Variants in TIMP2 observed in about 807,000 individuals in gnomAD.
The protein encoded by TIMP2 is metalloproteinase inhibitor 2.
A neutral mutation model predicts 24.3 loss-of-function variants in TIMP2; 5 were observed. The observed-to-expected ratio is 0.21, with a 90% CI of 0.11 to 0.43. The LOEUF is 0.43. Among genes scored for constraint, TIMP2 ranks in the 20% least tolerant of loss-of-function variants. The pLI is 1.00. For synonymous variants in TIMP2, 130 were observed against 123.2 expected (o/e 1.06, Z -0.37); for missense variants, 221 against 297.5 (o/e 0.74, Z 1.89).
chr17:78,876,492 T>C (rs79484653), intron 1 of TIMP2, among the ~76,000 whole-genome samples: 25,460 of 151,950 alleles, frequency 0.17, 2,260 homozygotes, highest in East Asian at 0.28. Context: ...GGATTACAGG[T>C]GGGCACCACC....
rs529721968 is a variant in TIMP2 at position 78,896,709 on chromosome 17, C to T, written c.131-22790G>A. Among the ~76,000 whole-genome samples, 9 of 152,278 alleles carry T rather than the reference C, an allele frequency of 5.9e-5. No individual in the cohort carries two copies. Among genetic ancestry groups the T allele is most frequent in the Admixed American group, 6.5e-5 (1 of 15,296 alleles). The stretch of plus-strand genomic sequence containing the variant: ...CCACAGCTCCCCCCTCCGCAGAAGC[C>T]GCGCTCGGAGCAGCAGAAGGAAGGC... On this transcript the variant is annotated intron_variant, in intron 1 of 4. Transcript: ENST00000262768. This position sits in a 1 kb window ranked among gnomAD's most constrained non-coding sequence, Gnocchi z 4.4.
rs565092047 is a variant in TIMP2, at chr17:78,883,743, G to GA, written c.131-9825dup. 9.0e-3 allele frequency among the ~76,000 whole-genome samples: 1,371 copies of GA among 152,266 alleles called. 21 individuals carry two copies. Among genetic ancestry groups the GA allele is most frequent in the African/African-American group, 0.032 (1,322 of 41,544 alleles). ...GCCCATTCGTTTTGGCTCCTCTTGG[G>GA]AAACAGCATCTATCAGAGCACCTCA... On this transcript the variant is annotated intron_variant, in intron 1 of 4. Coordinates refer to ENST00000262768, the MANE Select transcript of TIMP2 (RefSeq NM_003255.5).
In TIMP2 at chr17:78,857,639, G is replaced by C; in HGVS notation, c.348C>G (p.Ala116=). 12 of 1,614,110 alleles carry C rather than the reference G, an allele frequency of 7.4e-6. No individual in the cohort carries two copies. Among genetic ancestry groups the C allele is most frequent in the Non-Finnish European group, 1.0e-5 (12 of 1,180,012 alleles). The change falls in exon 4 of 5, where the codon GCC becomes GCG. Residue 116 remains alanine, a synonymous_variant. Transcript: ENST00000262768. The part of the protein sequence containing the change: ...GKKEYLIAGK[A]EGDGKMHITL... The stretch of plus-strand genomic sequence containing the variant: ...TGATGTGCATCTTGCCGTCCCCCTC[G>C]GCCTTTCCTGCGGAGAGACGGGGAT...
Position 78,925,099 on chromosome 17 carries a change from GGGGCT to G in TIMP2, c.-16_-12del. The G allele has an allele frequency of 1.0e-6, 1 of 954,802 alleles. No individual in the cohort carries two copies. The highest frequency in any genetic ancestry group is 1.2e-6 in the Non-Finnish European group (1 of 802,786). The allele number at this position is 954,802 out of a possible 1,614,324, so 59.1% of individuals were successfully genotyped here. Reference sequence around the variant, plus strand: ...GGCCGCGGCGCCCATGGCGGGCCGGGGGGCTGGGCGGGCGGGGGCCGCCGCTGGGG... The same window carrying G: ...GGCCGCGGCGCCCATGGCGGGCCGGGGGGCGGGCGGGGGCCGCCGCTGGGG... On this transcript the variant is annotated 5_prime_UTR_variant, in exon 1 of 5. Coordinates refer to ENST00000262768, the MANE Select transcript of TIMP2 (RefSeq NM_003255.5).
intron 1 of TIMP2, chr17:78,897,980 T>G (rs2070029737): frequency 6.6e-6 from 1 of 152,126 alleles, no homozygotes; most frequent in African/African-American, 2.4e-5. Context: ...AGGAATTGAT[T>G]TCCCCCATGA....
chr17:78,862,033 T>C (rs1323620730), intron 3 of TIMP2, among the ~76,000 whole-genome samples: 1 of 152,172 alleles, frequency 6.6e-6, no homozygotes, highest in African/African-American at 2.4e-5. Flanking sequence ...AAGCGAGGCA[T>C]GAGTCTGGGT....
intron 1 of TIMP2, among the ~76,000 whole-genome samples, chr17:78,917,437 T>G (rs1449392400): frequency 6.6e-6 from 1 of 152,142 alleles, no homozygotes; most frequent in African/African-American, 2.4e-5. Flanking sequence ...CTCAGAAAAC[T>G]AAATAATTCC....
At chr17:78,910,295 C>T (rs533881105) in intron 1 of TIMP2, among the ~76,000 whole-genome samples, 37 of 151,730 alleles carry the variant, frequency 2.4e-4, no homozygotes, top group African/African-American at 9.0e-4. Context: ...CGGGTTCAAG[C>T]GATTCTCCTG....
intron 1 of TIMP2, among the ~76,000 whole-genome samples, chr17:78,907,159 G>A (rs2070166612): frequency 6.6e-6 from 1 of 151,026 alleles, no homozygotes; most frequent in African/African-American, 2.4e-5. Flanking sequence ...TCAGCCTCCT[G>A]AGTAGCTAGG....
At chr17:78,859,729 T>C (rs2145745622) in intron 3 of TIMP2, among the ~76,000 whole-genome samples, 1 of 151,998 alleles carries the variant, frequency 6.6e-6, no homozygotes, top group East Asian at 1.9e-4. Flanking sequence ...TGGTGGCTCA[T>C]GGCTGTAATC....
intron 1 of TIMP2, among the ~76,000 whole-genome samples, chr17:78,906,122 G>A (rs1361812500): frequency 3.9e-5 from 6 of 152,174 alleles, no homozygotes; most frequent in Non-Finnish European, 8.8e-5. Flanking sequence ...TGTCATCCCA[G>A]CACTTTAGGA....
chr17:78,906,266 G>A (rs974706558), intron 1 of TIMP2, among the ~76,000 whole-genome samples: 1 of 152,162 alleles, frequency 6.6e-6, no homozygotes, highest in African/African-American at 2.4e-5. Flanking sequence ...TACTCAGGAG[G>A]CTGAGGCAGG....
At chr17:78,918,073 C>CGT in intron 1 of TIMP2, among the ~76,000 whole-genome samples, 1 of 118,826 alleles carries the variant, frequency 8.4e-6, no homozygotes, top group African/African-American at 2.9e-5. Context: ...CAAACACACA[C>CGT]ACACACACAC....
At chr17:78,908,700 G>A (rs9893401) in intron 1 of TIMP2, among the ~76,000 whole-genome samples, 5,085 of 152,270 alleles carry the variant, frequency 0.033, 220 homozygotes, top group African/African-American at 0.091. Flanking sequence ...AAAAGCCCTC[G>A]ACAGTATTTT....
rs768852357 is a variant in TIMP2 at position 78,857,511 on chromosome 17, G to T, written c.465+11C>A. 7 of 1,614,084 alleles carry T rather than the reference G, an allele frequency of 4.3e-6. No homozygotes were observed. In the East Asian group the frequency reaches 1.3e-4, roughly 31 times the overall value. On this transcript the variant is annotated intron_variant, in intron 4 of 4. Transcript: ENST00000262768. ...GGAGGCGATGCTCCAGCAGAGGCAG[G>T]ACCTGCTTACCTTGCACTCGCAGCC...
chr17:78,898,333 G>A (rs12453433), intron 1 of TIMP2: 45,181 of 152,152 alleles, frequency 0.3, 7,298 homozygotes, highest in East Asian at 0.37. Flanking sequence ...ATTCCGGGCC[G>A]AGCAGGCAGG....
intron 1 of TIMP2, chr17:78,892,618 C>A: frequency 8.9e-7 from 1 of 1,128,206 alleles, no homozygotes; most frequent in Non-Finnish European, 1.2e-6. Context: ...CCACTCTCAG[C>A]CTCCCAATTT....
At chr17:78,912,844 T>C (rs1426667294) in intron 1 of TIMP2, among the ~76,000 whole-genome samples, 1 of 152,186 alleles carries the variant, frequency 6.6e-6, no homozygotes, top group Non-Finnish European at 1.5e-5. Flanking sequence ...TTCAACTCTG[T>C]TGTTATAGCA....
intron 1 of TIMP2, among the ~76,000 whole-genome samples, chr17:78,909,959 A>C (rs2070193374): frequency 1.3e-5 from 2 of 152,144 alleles, no homozygotes; most frequent in Non-Finnish European, 2.9e-5. Flanking sequence ...GTGATGCTTT[A>C]AGGAACACAC....
Sources: allele counts gnomAD v4.1 joint callset (sites outside exome capture counted in the v4.1 genomes callset), GRCh38; gene constraint gnomAD v4.1.1; non-coding constraint Gnocchi (gnomAD v3.1); transcripts MANE v1.5; gene names NCBI Gene and HGNC (gene_info 2026-07-23, HGNC 2026-07-21).